TEX11: variants seen among roughly 807,000 people sequenced by gnomAD.
TEX11 encodes the protein testis-expressed protein 11.
A neutral mutation model predicts 84.4 loss-of-function variants in TEX11; 7 were observed. The ratio of observed to expected loss-of-function variants is 0.08; its 90% CI spans 0.05 to 0.16. The LOEUF (loss-of-function observed/expected upper bound fraction) is 0.16, where lower values mean the gene tolerates loss of function less well. Among genes scored for constraint, TEX11 ranks in the 10% least tolerant of loss-of-function variants. TEX11 has a pLI of 1.00. For missense variants in TEX11, 551 were observed against 660.5 expected (o/e 0.83, Z 1.82); for synonymous variants, 264 against 222.8 (o/e 1.18, Z -1.64).
chrX:70,791,349 C>T (rs905225046), intron 9 of TEX11, among the ~76,000 whole-genome samples: 3 of 111,889 alleles, frequency 2.7e-5, no homozygotes, highest in African/African-American at 6.5e-5. Flanking sequence ...CATTAGAGAA[C>T]GCTGATTCAT....
chrX:70,568,901 G>A (rs202143285), intron 25 of TEX11, among the ~76,000 whole-genome samples: 8,334 of 109,575 alleles, frequency 0.076, 421 homozygotes, highest in Admixed American at 0.24. Context: ...TGCTCTTCTC[G>A]AGGAGTATCT....
chrX:70,817,230 TACACACACACACACATATATATATACAC>T (rs2091291941), intron 8 of TEX11, among the ~76,000 whole-genome samples: 2 of 85,518 alleles, frequency 2.3e-5, no homozygotes, highest in African/African-American at 8.6e-5. Flanking sequence ...CACATACACA[TACACACACACACACATATATATATACAC>T]ACACACACAC....
intron 8 of TEX11, among the ~76,000 whole-genome samples, chrX:70,816,243 C>T (rs2091285607): frequency 8.9e-6 from 1 of 112,074 alleles, no homozygotes; most frequent in Non-Finnish European, 1.9e-5. Flanking sequence ...TAGAGGCATA[C>T]TGATGTCATC....
chrX:70,655,746 G>T (rs1176159362), intron 16 of TEX11, among the ~76,000 whole-genome samples: 2 of 110,817 alleles, frequency 1.8e-5, no homozygotes, highest in Non-Finnish European at 3.8e-5. Flanking sequence ...CTTGATTTTG[G>T]ACTTCCAGCC....
chrX:70,585,949 G>A (rs928524347), intron 25 of TEX11, among the ~76,000 whole-genome samples: 1 of 112,734 alleles, frequency 8.9e-6, no homozygotes, highest in Non-Finnish European at 1.9e-5. Context: ...CTACTTGGGA[G>A]GCTGAGGCAG....
At position 70,853,341 on chromosome X, in the gene TEX11, A is replaced by C; in HGVS notation, c.325-13T>G. 2 of 1,147,253 alleles carry C rather than the reference A, an allele frequency of 1.7e-6. No homozygotes were observed. The highest frequency in any genetic ancestry group is 2.4e-6 in the Non-Finnish European group (2 of 844,801). The allele number at this position is 1,147,253 out of a possible 1,213,427, so 94.5% of individuals were successfully genotyped here. A position where few individuals can be genotyped will look rare whatever the true frequency, so the allele number is the denominator to read the frequency against. On this transcript the variant is annotated splice_polypyrimidine_tract_variant and intron_variant, in intron 5 of 29. Coordinates refer to ENST00000374333, the MANE Select transcript of TEX11 (RefSeq NM_031276.3). ...TTCTCATATTCATCTAGAAGAGAGA[A>C]ATTAGAAAATAATTTTTAAAAATTC... is the stretch of plus-strand genomic sequence containing the variant.
At chrX:70,615,422 G>C (rs1400767509) in intron 20 of TEX11, among the ~76,000 whole-genome samples, 1 of 111,648 alleles carries the variant, frequency 9.0e-6, no homozygotes, top group Non-Finnish European at 1.9e-5. Context: ...CTAAATAGTA[G>C]AACTGATCAG....
the TEX11 span, among the ~76,000 whole-genome samples, chrX:70,516,690 G>C: frequency 1.4e-4 from 16 of 110,580 alleles, no homozygotes; most frequent in East Asian, 4.0e-3. Flanking sequence ...GGATGGCATT[G>C]AATCTATAAA....
At chrX:70,600,434 C>T (rs1386915210) in intron 24 of TEX11, among the ~76,000 whole-genome samples, 1 of 110,885 alleles carries the variant, frequency 9.0e-6, no homozygotes, top group Non-Finnish European at 1.9e-5. Context: ...TTTAACTTCC[C>T]ACCATCAACA....
At chrX:70,889,823 C>T (rs1227336797) in intron 2 of TEX11, among the ~76,000 whole-genome samples, 1 of 111,155 alleles carries the variant, frequency 9.0e-6, no homozygotes, top group Non-Finnish European at 1.9e-5. Flanking sequence ...GAAACTAAAT[C>T]ATATCACTAG....
intron 13 of TEX11, among the ~76,000 whole-genome samples, chrX:70,705,194 T>C (rs1346955728): frequency 1.8e-5 from 2 of 111,743 alleles, no homozygotes; most frequent in African/African-American, 3.2e-5. Flanking sequence ...TTTTGGTTAC[T>C]ATAGCCTTGT....
chrX:70,907,192 C>T (rs1412196852), intron 2 of TEX11, among the ~76,000 whole-genome samples: 1 of 110,897 alleles, frequency 9.0e-6, no homozygotes, highest in African/African-American at 3.3e-5. Context: ...ATTTTTATTG[C>T]AATAGATTTA....
At chrX:70,794,187 G>A (rs1399441580) in intron 9 of TEX11, among the ~76,000 whole-genome samples, 2 of 111,696 alleles carry the variant, frequency 1.8e-5, no homozygotes, top group East Asian at 2.8e-4. Flanking sequence ...GAATCTGTGC[G>A]TTTGGGGGAT....
At chrX:70,676,116 A>G (rs1398203194) in intron 15 of TEX11, among the ~76,000 whole-genome samples, 1 of 111,754 alleles carries the variant, frequency 8.9e-6, no homozygotes, top group Non-Finnish European at 1.9e-5. Flanking sequence ...GTTTGAGTAT[A>G]CCCCATTTTA....
intron 20 of TEX11, among the ~76,000 whole-genome samples, chrX:70,621,127 G>A (rs185353819): frequency 1.7e-4 from 19 of 110,657 alleles, no homozygotes; most frequent in African/African-American, 3.0e-4. Flanking sequence ...GCACTCTGGC[G>A]GGGAATGGAG....
At chrX:70,782,560 T>G (rs999652460) in intron 9 of TEX11, among the ~76,000 whole-genome samples, 5 of 104,621 alleles carry the variant, frequency 4.8e-5, no homozygotes, top group African/African-American at 1.8e-4. Context: ...CAGTGTGCTG[T>G]GTTCAGGAGA....
At chrX:70,594,161 T>C (rs928664928) in intron 24 of TEX11, among the ~76,000 whole-genome samples, 1 of 111,556 alleles carries the variant, frequency 9.0e-6, no homozygotes, top group Non-Finnish European at 1.9e-5. Context: ...TTAAGATTAA[T>C]AGCTGATTTC....
chrX:70,769,100 T>C (rs940955035), intron 9 of TEX11, among the ~76,000 whole-genome samples: 3 of 111,502 alleles, frequency 2.7e-5, no homozygotes, highest in African/African-American at 9.8e-5. Flanking sequence ...AATGTATAGC[T>C]ATAAACATCA....
At chrX:70,759,213 C>G (rs1050106673) in intron 9 of TEX11, among the ~76,000 whole-genome samples, 3 of 111,673 alleles carry the variant, frequency 2.7e-5, no homozygotes, top group Admixed American at 9.5e-5. Flanking sequence ...GTACCATTCC[C>G]TCTGAAACTA....
Sources: gnomAD v4.1 joint callset for allele counts (sites outside exome capture counted in the v4.1 genomes callset) on GRCh38, gnomAD v4.1.1 for gene constraint, MANE v1.5 for transcripts, NCBI Gene and HGNC (gene_info 2026-07-23, HGNC 2026-07-21) for gene names.